Variants in GAD2 observed in about 807,000 individuals in gnomAD.
GAD2 encodes 65 kDa glutamic acid decarboxylase.
In GAD2, 22 loss-of-function variants were observed where a neutral mutation model predicts 80.1. The ratio of observed to expected loss-of-function variants is 0.27; its 90% CI spans 0.20 to 0.39. The LOEUF is 0.39. GAD2 is among the 10% of genes least tolerant of loss of function. GAD2 has a pLI of 1.00. For synonymous variants in GAD2, 274 were observed against 256.9 expected (o/e 1.07, Z -0.64); for missense variants, 624 against 738.4 (o/e 0.85, Z 1.80).
At chr10:26,297,386 C>A (rs1396376298) in intron 15 of GAD2, among the ~76,000 whole-genome samples, 10 of 152,130 alleles carry the variant, frequency 6.6e-5, no homozygotes, top group Non-Finnish European at 7.3e-5. Context: ...TTACTATGCA[C>A]CCTCTTTGAA....
At position 26,219,053 on chromosome 10, in the gene GAD2, G is replaced by A. The variant is rs772863932; in HGVS notation, c.297G>A (p.Pro99=). Residue 99 remains proline (P), a synonymous_variant, in exon 4 of 16, where the codon CCG becomes CCA. Transcript: ENST00000376261. ...YAFLHATDLL[P]ACDGERPTLA... Reference sequence around the variant, plus strand: ...AATTTCATTCTTTAGACCTGCTGCCGGCGTGTGATGGAGAAAGGCCCACTT... The same window carrying A: ...AATTTCATTCTTTAGACCTGCTGCCAGCGTGTGATGGAGAAAGGCCCACTT... 6.3e-6 allele frequency: 10 copies of A among 1,574,942 alleles called. No individual in the cohort carries two copies. In the South Asian group the frequency reaches 9.5e-5, roughly 15 times the overall value.
chr10:26,292,655 C>A, intron 14 of GAD2, 83 bp downstream of exon 14: 2 of 1,105,966 alleles, frequency 1.8e-6, no homozygotes, highest in Non-Finnish European at 2.7e-6. Context: ...GATGTGCTGT[C>A]CAGGTAAGTG....
At chr10:26,258,787 G>A (rs956185049) in intron 8 of GAD2, among the ~76,000 whole-genome samples, 35 of 150,742 alleles carry the variant, frequency 2.3e-4, no homozygotes, top group African/African-American at 6.1e-4. Flanking sequence ...CCATTTATGC[G>A]TACTTACTTG....
In GAD2 at chr10:26,219,163, A is replaced by G; in HGVS notation, c.407A>G (p.His136Arg). 6.2e-7 allele frequency: 1 copy of G among 1,613,836 alleles called. No homozygotes were observed. The stretch of plus-strand genomic sequence containing the variant: ...AGATCAACCAAAGTGATTGATTTCC[A>G]TTATCCTAATGAGCTTCTCCAAGAA... ...FDRSTKVIDF[H>R]YPNELLQEYN... Residue 136 changes from histidine to arginine, a missense_variant, in exon 4 of 16, where the codon CAT becomes CGT. By Grantham distance (29) the His-to-Arg change is conservative. Coordinates refer to ENST00000376261, the MANE Select transcript of GAD2 (RefSeq NM_001134366.2).
chr10:26,237,285 G>A (rs1844685655), intron 7 of GAD2, among the ~76,000 whole-genome samples: 1 of 152,162 alleles, frequency 6.6e-6, no homozygotes, highest in African/African-American at 2.4e-5. Flanking sequence ...TTGTTCTCCA[G>A]GTTAGTGATA....
At chr10:26,291,225 C>A (rs1589154377) in intron 13 of GAD2, among the ~76,000 whole-genome samples, 1 of 152,318 alleles carries the variant, frequency 6.6e-6, no homozygotes, top group East Asian at 1.9e-4. Context: ...ATTAGCTTCC[C>A]TCACTTCTAC....
At chr10:26,258,646 T>A (rs1428689852) in intron 8 of GAD2, among the ~76,000 whole-genome samples, 2 of 152,214 alleles carry the variant, frequency 1.3e-5, no homozygotes, top group African/African-American at 2.4e-5. Context: ...GATTCGACTT[T>A]TTGTAACTTG....
At chr10:26,283,760 A>G (rs1357010457) in intron 12 of GAD2, among the ~76,000 whole-genome samples, 2 of 152,180 alleles carry the variant, frequency 1.3e-5, no homozygotes, top group Non-Finnish European at 2.9e-5. Context: ...AAAAGAAAAG[A>G]AAAGGGCTGA....
intron 7 of GAD2, among the ~76,000 whole-genome samples, chr10:26,237,592 G>A (rs980266466): frequency 8.5e-5 from 13 of 152,048 alleles, no homozygotes; most frequent in Non-Finnish European, 1.5e-5. Context: ...AGAGGGATGT[G>A]CCCTTCCTCC....
chr10:26,248,701 A>C (rs4749100), intron 8 of GAD2, among the ~76,000 whole-genome samples: 29,621 of 152,008 alleles, frequency 0.19, 3,034 homozygotes, highest in East Asian at 0.31. Flanking sequence ...TCCCTGCCCC[A>C]CTCAGCTCTG....
At chr10:26,226,920 T>C (rs1370623083) in intron 6 of GAD2, among the ~76,000 whole-genome samples, 3 of 152,224 alleles carry the variant, frequency 2.0e-5, no homozygotes, top group Non-Finnish European at 4.4e-5. Context: ...AAAGAAAGCT[T>C]GGCTTAGTCA....
At chr10:26,299,037 A>G (rs1314535284) in intron 15 of GAD2, among the ~76,000 whole-genome samples, 1 of 152,214 alleles carries the variant, frequency 6.6e-6, no homozygotes, top group Non-Finnish European at 1.5e-5. Flanking sequence ...GTGGGAAGGG[A>G]TATAAGAACT....
At chr10:26,228,128 A>G (rs1414252349) in intron 6 of GAD2, among the ~76,000 whole-genome samples, 7 of 152,248 alleles carry the variant, frequency 4.6e-5, no homozygotes, top group African/African-American at 1.7e-4. Context: ...CCCCTTGGTC[A>G]GGAGGTAGAG....
At position 26,290,534 on chromosome 10, in the gene GAD2, C is replaced by T. The variant is rs114473316; in HGVS notation, c.1387-1931C>T. Reference sequence around the variant, plus strand: ...AGGGAAAGTCTAATTGACTGAAGGGCGACTTGGGAGCTATGTTCCAGGTGA... The same window carrying T: ...AGGGAAAGTCTAATTGACTGAAGGGTGACTTGGGAGCTATGTTCCAGGTGA... On this transcript the variant is annotated intron_variant, in intron 13 of 15. Transcript: ENST00000376261. Among the ~76,000 whole-genome samples the T allele has an allele frequency of 6.5e-3, 994 of 152,196 alleles. 12 individuals carry two copies. Among genetic ancestry groups the T allele is most frequent in the African/African-American group, 0.021 (881 of 41,524 alleles).
At chr10:26,286,849 T>C (rs1845339052) in intron 13 of GAD2, among the ~76,000 whole-genome samples, 1 of 152,188 alleles carries the variant, frequency 6.6e-6, no homozygotes, top group Admixed American at 6.5e-5. Context: ...GGTAGGTGAA[T>C]GCAATCTGAA....
intron 8 of GAD2, among the ~76,000 whole-genome samples, chr10:26,268,593 T>C (rs1845098916): frequency 6.6e-6 from 1 of 152,214 alleles, no homozygotes; most frequent in East Asian, 1.9e-4. Flanking sequence ...TGTTTGAAAC[T>C]TGAGCCCATG....
Position 26,281,023 on chromosome 10 carries a change from C to A in GAD2, c.1172C>A (p.Thr391Lys). The change falls in exon 12 of 16, where the codon ACG becomes AAG. Residue 391 changes from threonine (T) to lysine (K), a missense_variant. Physicochemically the swap from Thr to Lys is moderately conservative, Grantham distance 78. Coordinates refer to ENST00000376261, the MANE Select transcript of GAD2 (RefSeq NM_001134366.2). ...CTTTATTTTAGGGCCAACTCTGTGA[C>A]GTGGAATCCACACAAGATGATGGGA... Reference protein sequence around the residue: ...LSGVERANSVTWNPHKMMGVP... With the variant: ...LSGVERANSVKWNPHKMMGVP... 1 of 1,613,646 alleles carries A rather than the reference C, an allele frequency of 6.2e-7. No homozygotes were observed. Among genetic ancestry groups the A allele is most frequent in the Non-Finnish European group, 8.5e-7 (1 of 1,179,640 alleles).
chr10:26,266,992 G>T (rs762643766), intron 8 of GAD2, among the ~76,000 whole-genome samples: 16 of 152,066 alleles, frequency 1.1e-4, no homozygotes, highest in Non-Finnish European at 1.5e-5. Flanking sequence ...AAAATGAGAA[G>T]GTTCGACTAG....
chr10:26,265,225 G>A (rs1458567964), intron 8 of GAD2, among the ~76,000 whole-genome samples: 3 of 121,426 alleles, frequency 2.5e-5, no homozygotes, highest in African/African-American at 1.0e-4. Context: ...TTTTTTTTTA[G>A]ACGGAGTCTC....
Sources: allele counts gnomAD v4.1 joint callset (sites outside exome capture counted in the v4.1 genomes callset), GRCh38; gene constraint gnomAD v4.1.1; transcripts MANE v1.5; gene names NCBI Gene and HGNC (gene_info 2026-07-23, HGNC 2026-07-21).